NVL: variants seen among roughly 807,000 people sequenced by gnomAD.
The protein encoded by NVL is nuclear valosin-containing protein-like.
NVL carries 84 observed loss-of-function variants against 110.2 expected under a neutral mutation model. The ratio of observed to expected loss-of-function variants is 0.76; its 90% CI spans 0.64 to 0.91. NVL has a LOEUF of 0.91. Among genes scored for constraint, NVL ranks in the 40% least tolerant of loss-of-function variants. The probability of loss-of-function intolerance (pLI) is 0.00; values close to 1 mark genes in which losing one functional copy is unlikely to be tolerated. For synonymous variants in NVL, 354 were observed against 361.1 expected (o/e 0.98, Z 0.22); for missense variants, 882 against 1,035.9 (o/e 0.85, Z 2.04).
chr1:224,236,656 A>G (rs1434406022), intron 19 of NVL, 74 bp from the exon 20 acceptor site: 16 of 1,254,798 alleles, frequency 1.3e-5, no homozygotes, highest in Non-Finnish European at 1.9e-5. Context: ...CATGCTTGTA[A>G]TCCCAGCACT....
At chr1:224,236,610 A>C (rs774106297) in intron 19 of NVL, 28 bp from the exon 20 acceptor site, 2 of 1,581,716 alleles carry the variant, frequency 1.3e-6, no homozygotes, top group East Asian at 2.2e-5. Flanking sequence ...ATGATTTTTC[A>C]TTGGAGCTTT....
At chr1:224,256,971 G>T (rs1239333917) in intron 18 of NVL, 1 of 476,732 alleles carries the variant, frequency 2.1e-6, no homozygotes, top group East Asian at 6.4e-5. Context: ...CCACCACCTT[G>T]CACCTGCATT....
intron 19 of NVL, among the ~76,000 whole-genome samples, chr1:224,237,648 C>T (rs1234492353): frequency 6.6e-6 from 1 of 151,884 alleles, no homozygotes; most frequent in African/African-American, 2.4e-5. Flanking sequence ...ACAACCACAA[C>T]AGACTTGACC....
intron 5 of NVL, 128 bp from the exon 6 acceptor site, chr1:224,308,391 C>G (rs1669146688): frequency 1.2e-6 from 1 of 831,630 alleles, no homozygotes; most frequent in Non-Finnish European, 1.8e-6. Flanking sequence ...CATTTATAAT[C>G]AGAATATATA....
chr1:224,321,925 G>A (rs896488737), intron 2 of NVL, among the ~76,000 whole-genome samples: 1 of 152,092 alleles, frequency 6.6e-6, no homozygotes, highest in Non-Finnish European at 1.5e-5. Context: ...GGGGATTCAA[G>A]GCTAGGTAGA....
chr1:224,234,990 A>G (rs1368613773), intron 20 of NVL, among the ~76,000 whole-genome samples: 5 of 151,834 alleles, frequency 3.3e-5, no homozygotes, highest in Non-Finnish European at 5.9e-5. Flanking sequence ...TTTTGTAGAG[A>G]TGGGGTCTTA....
intron 4 of NVL, 189 bp from the exon 5 acceptor site, chr1:224,312,046 C>T: frequency 7.9e-6 from 4 of 505,142 alleles, no homozygotes; most frequent in Non-Finnish European, 6.9e-6. Flanking sequence ...TAAGCGTCAG[C>T]TTCCTTATCT....
At chr1:224,228,188 C>G (rs534037919) in intron 22 of NVL, 1 of 152,248 alleles carries the variant, frequency 6.6e-6, no homozygotes, top group South Asian at 2.1e-4. Context: ...CATTCACAAT[C>G]GTTGACTCAA....
intron 19 of NVL, among the ~76,000 whole-genome samples, chr1:224,238,095 G>A (rs185062226): frequency 2.0e-5 from 3 of 151,604 alleles, no homozygotes; most frequent in South Asian, 2.1e-4. Flanking sequence ...GTGCAATGGC[G>A]CAATCTCAGC....
chr1:224,256,340 G>A (rs958896041), intron 18 of NVL, among the ~76,000 whole-genome samples: 8 of 147,734 alleles, frequency 5.4e-5, no homozygotes, highest in South Asian at 2.2e-4. Flanking sequence ...CAGGAGAATC[G>A]CTTGAACCTG....
intron 10 of NVL, among the ~76,000 whole-genome samples, chr1:224,300,035 G>A (rs1318967447): frequency 6.6e-6 from 1 of 152,180 alleles, no homozygotes; most frequent in Non-Finnish European, 1.5e-5. Flanking sequence ...TACAGGGCTT[G>A]TGCTGTGTGC....
intron 4 of NVL, 56 bp downstream of exon 4, chr1:224,317,638 G>A (rs2102767442): frequency 9.7e-7 from 1 of 1,033,348 alleles, no homozygotes; most frequent in East Asian, 2.4e-5. Context: ...TTACAAGCAG[G>A]AATGTAACAT....
intron 18 of NVL, among the ~76,000 whole-genome samples, chr1:224,260,234 C>T (rs959893583): frequency 2.6e-5 from 4 of 152,122 alleles, no homozygotes; most frequent in Admixed American, 6.6e-5. Flanking sequence ...GAAATAAATA[C>T]CTTCTCTGTG....
intron 4 of NVL, among the ~76,000 whole-genome samples, chr1:224,314,840 T>TTAA (rs1446815294): frequency 4.6e-5 from 7 of 151,960 alleles, no homozygotes; most frequent in Admixed American, 4.6e-4. Flanking sequence ...TCGAATCCAA[T>TTAA]TAATACCCTT....
intron 18 of NVL, among the ~76,000 whole-genome samples, chr1:224,262,771 C>G (rs1664119325): frequency 1.3e-5 from 2 of 152,220 alleles, no homozygotes; most frequent in South Asian, 4.1e-4. Context: ...AAATGAGGGC[C>G]ACTGAATCCA....
chr1:224,229,920 C>T (rs1659683361), intron 22 of NVL, among the ~76,000 whole-genome samples: 1 of 152,018 alleles, frequency 6.6e-6, no homozygotes, highest in African/African-American at 2.4e-5. Flanking sequence ...TAGCCTCAAC[C>T]TCCTGGGCTC....
In NVL at chr1:224,329,014, G is replaced by A. The variant is rs73118068; in HGVS notation, c.57+1057C>T. ...GCCCAGGAGTTAGAGACCAGCCAGA[G>A]TAACATAGTGGAACCCCGTCTCTAC... On this transcript the variant is annotated intron_variant, in intron 1 of 22. Coordinates refer to ENST00000281701, the MANE Select transcript of NVL (RefSeq NM_002533.4). Among the ~76,000 whole-genome samples the A allele has an allele frequency of 9.6e-3, 1,459 of 151,994 alleles. 17 individuals carry two copies. The highest frequency in any genetic ancestry group is 0.033 in the African/African-American group (1,346 of 41,414).
At chr1:224,329,453 G>C (rs1671467311) in intron 1 of NVL, among the ~76,000 whole-genome samples, 1 of 152,144 alleles carries the variant, frequency 6.6e-6, no homozygotes, top group Non-Finnish European at 1.5e-5. Context: ...GGCTGGTGAA[G>C]TGAAAGAAAA....
At position 224,243,183 on chromosome 1, in the gene NVL, G is replaced by A. The variant is rs541029255; in HGVS notation, c.2290-6601C>T. Among the ~76,000 whole-genome samples, 464 of 151,982 alleles carry A rather than the reference G, an allele frequency of 3.1e-3. 2 individuals are homozygous for A. Among genetic ancestry groups the A allele is most frequent in the African/African-American group, 9.5e-3 (392 of 41,446 alleles). On this transcript the variant is annotated intron_variant, in intron 19 of 22. Transcript: ENST00000281701. ...ACTGTGAAAAATTAATGAAAGGGCC[G>A]GGTGTAGTGGCTCAGTCTTGTAACC... is the stretch of plus-strand genomic sequence containing the variant.
Sources: allele counts gnomAD v4.1 joint callset (sites outside exome capture counted in the v4.1 genomes callset), GRCh38; gene constraint gnomAD v4.1.1; transcripts MANE v1.5; gene names NCBI Gene and HGNC (gene_info 2026-07-23, HGNC 2026-07-21).